MYOM2: variants seen among roughly 807,000 people sequenced by gnomAD.
MYOM2 encodes myomesin-2.
Under a neutral mutation model 187.6 loss-of-function variants are expected in MYOM2, and 254 were observed. The ratio of observed to expected loss-of-function variants is 1.35; its 90% CI spans 1.22 to 1.50. MYOM2 has a LOEUF of 1.50. Ranked by LOEUF, MYOM2 falls within the 40% of genes most tolerant of loss-of-function variation. The pLI, the probability that MYOM2 is intolerant of heterozygous loss-of-function variation, is 0.00. For missense variants in MYOM2, 2,796 were observed against 1,924.0 expected (o/e 1.45, Z -8.48); for synonymous variants, 981 against 753.8 (o/e 1.30, Z -4.94).
chr8:2,054,617 T>A (rs188851162), intron 3 of MYOM2, among the ~76,000 whole-genome samples: 8 of 152,228 alleles, frequency 5.3e-5, no homozygotes, highest in Non-Finnish European at 1.2e-4. Flanking sequence ...TAGAGGATAG[T>A]GGTGCTATTG....
chr8:2,138,792 C>T (rs1798171250), intron 32 of MYOM2, among the ~76,000 whole-genome samples: 1 of 152,174 alleles, frequency 6.6e-6, no homozygotes, highest in African/African-American at 2.4e-5. Flanking sequence ...TTAGATCCTC[C>T]CTTCTCTGTC....
In MYOM2 at chr8:2,145,078, C is replaced by T. The variant is rs1585989907; in HGVS notation, c.*97C>T. 4 of 1,314,004 alleles carry T rather than the reference C, an allele frequency of 3.0e-6. No individual in the cohort carries two copies. Among genetic ancestry groups the T allele is most frequent in the Non-Finnish European group, 4.2e-6 (4 of 947,216 alleles). 81.4% of individuals were successfully genotyped at this position (1,314,004 alleles called of 1,614,324 possible). ...TGAGCAGCTGGCATCCGAGTGGTGT[C>T]CTGTGTGGGCTGATAGTTGATCACA... On this transcript the variant is annotated 3_prime_UTR_variant, in exon 37 of 37. Coordinates refer to ENST00000262113, the MANE Select transcript of MYOM2 (RefSeq NM_003970.4).
chr8:2,079,177 C>A (rs939070233), intron 12 of MYOM2, among the ~76,000 whole-genome samples: 3 of 149,230 alleles, frequency 2.0e-5, no homozygotes, highest in Admixed American at 2.0e-4. Flanking sequence ...TGCTGGCATC[C>A]AGTTAAATTG....
intron 19 of MYOM2, among the ~76,000 whole-genome samples, chr8:2,099,868 A>G (rs1192576812): frequency 6.6e-6 from 1 of 152,258 alleles, no homozygotes; most frequent in African/African-American, 2.4e-5. Flanking sequence ...TTCAAAGTTC[A>G]GAGTGTTTTC....
Position 2,123,654 on chromosome 8 carries a change from C to G in MYOM2, c.3655+12C>G. ...AATAGCTGGCAAAGGTAAAAGAAAA[C>G]CTCCTTTGTTCTGTGAACAAGAAAT... On this transcript the variant is annotated intron_variant, in intron 30 of 36. Coordinates refer to ENST00000262113, the MANE Select transcript of MYOM2 (RefSeq NM_003970.4). 2 of 1,610,718 alleles carry G rather than the reference C, an allele frequency of 1.2e-6. No homozygotes were observed. The highest frequency in any genetic ancestry group is 1.7e-6 in the Non-Finnish European group (2 of 1,176,960).
intron 16 of MYOM2, among the ~76,000 whole-genome samples, chr8:2,093,579 A>C (rs1325280986): frequency 6.6e-6 from 1 of 152,234 alleles, no homozygotes; most frequent in Non-Finnish European, 1.5e-5. Context: ...ATTCGAGCCT[A>C]GTCCATCTGA....
At chr8:2,117,124 A>C (rs917862073) in intron 27 of MYOM2, among the ~76,000 whole-genome samples, 1 of 151,678 alleles carries the variant, frequency 6.6e-6, no homozygotes, top group African/African-American at 2.4e-5. Context: ...AATGTGAATT[A>C]TGAAACATAA....
rs765337037 is a variant in MYOM2, at chr8:2,141,154, AT to A, written c.3981del (p.Phe1327LeufsTer20). On this transcript the variant is annotated frameshift_variant, in exon 34 of 37. Transcript: ENST00000262113. LOFTEE classifies it high-confidence loss of function. The stretch of plus-strand genomic sequence containing the variant: ...ATTTCCTCACAGCTTTTGATGAAGC[AT>A]TTGCAGAATTCCAGCAATTCAAGTA... The part of the protein sequence containing the change: ...DLSGQAFDEA[F>X]AEFQQFKAAA... The A allele has an allele frequency of 2.5e-6, 4 of 1,612,176 alleles. No homozygotes were observed. In the East Asian group the frequency reaches 8.9e-5, roughly 36 times the overall value.
At chr8:2,046,358 C>T (rs550005505) in intron 1 of MYOM2, among the ~76,000 whole-genome samples, 2 of 152,312 alleles carry the variant, frequency 1.3e-5, no homozygotes, top group Non-Finnish European at 2.9e-5. Flanking sequence ...GTCATGATTC[C>T]TAAACGTGTC....
intron 2 of MYOM2, among the ~76,000 whole-genome samples, chr8:2,051,482 G>A (rs1159259908): frequency 6.6e-6 from 1 of 152,200 alleles, no homozygotes; most frequent in East Asian, 1.9e-4. Context: ...GTGAAGGGAG[G>A]GAGGGACCGC....
intron 32 of MYOM2, among the ~76,000 whole-genome samples, chr8:2,139,970 G>A (rs773637051): frequency 6.6e-6 from 1 of 152,104 alleles, no homozygotes; most frequent in Non-Finnish European, 1.5e-5. Flanking sequence ...ACTGTTCAGT[G>A]GTGTTAAGTA....
intron 21 of MYOM2, among the ~76,000 whole-genome samples, chr8:2,105,759 C>T (rs909067718): frequency 1.3e-5 from 2 of 152,236 alleles, no homozygotes; most frequent in African/African-American, 4.8e-5. Flanking sequence ...ATTCTCTCAT[C>T]AGTCCTGGGT....
chr8:2,069,690 G>T (rs1819149422), intron 8 of MYOM2, among the ~76,000 whole-genome samples, 193 bp downstream of exon 8: 2 of 151,916 alleles, frequency 1.3e-5, no homozygotes, highest in South Asian at 4.2e-4. Context: ...CACACCTAAG[G>T]GTCAAATCTT....
At position 2,090,000 on chromosome 8, in the gene MYOM2, C is replaced by G. The variant is rs755838618; in HGVS notation, c.1645-8C>G. ...CACTGCCAGTCTCGTTTCTGTTTCT[C>G]TTTGTAGTCCGTGGTGGGGAGCGGC... On this transcript the variant is annotated splice_region_variant and splice_polypyrimidine_tract_variant and intron_variant, in intron 14 of 36. Coordinates refer to ENST00000262113, the MANE Select transcript of MYOM2 (RefSeq NM_003970.4). 3 of 1,613,054 alleles carry G rather than the reference C, an allele frequency of 1.9e-6. No homozygotes were observed. The highest frequency in any genetic ancestry group is 4.5e-5 in the East Asian group (2 of 44,872).
At chr8:2,048,447 A>G (rs1473621153) in intron 1 of MYOM2, among the ~76,000 whole-genome samples, 1 of 152,204 alleles carries the variant, frequency 6.6e-6, no homozygotes, top group African/African-American at 2.4e-5. Context: ...ATCTGGGGAG[A>G]TTTCAAATAG....
At chr8:2,095,424 T>C (rs1796446087) in intron 17 of MYOM2, among the ~76,000 whole-genome samples, 1 of 151,952 alleles carries the variant, frequency 6.6e-6, no homozygotes, top group Non-Finnish European at 1.5e-5. Flanking sequence ...CCTGATTAGC[T>C]AGGACCACAG....
intron 1 of MYOM2, among the ~76,000 whole-genome samples, chr8:2,048,791 A>T (rs1219442691): frequency 1.4e-5 from 1 of 69,970 alleles, no homozygotes; most frequent in Admixed American, 2.2e-4. Context: ...TTTTATTTTT[A>T]TTTTATTTTT....
intron 6 of MYOM2, among the ~76,000 whole-genome samples, chr8:2,063,272 T>C (rs1818909249): frequency 1.3e-5 from 2 of 152,260 alleles, no homozygotes; most frequent in South Asian, 4.1e-4. Context: ...CAGAATGTGT[T>C]GGCACCCACC....
In MYOM2 at chr8:2,092,449, C is replaced by A; in HGVS notation, c.1932C>A (p.Tyr644Ter). Residue 644 changes from tyrosine to a stop codon, truncating the protein, a stop_gained, in exon 16 of 37, where the codon TAC becomes TAA. Coordinates refer to ENST00000262113, the MANE Select transcript of MYOM2 (RefSeq NM_003970.4). LOFTEE classifies it high-confidence loss of function. Reference protein sequence around the residue: ...RPKHEEDLLGYYVDCCVAGTN... With the variant: ...RPKHEEDLLG Reference sequence around the variant, plus strand: ...AGCATGAGGAGGACCTGCTGGGCTACTACGTGGACTGCTGTGTGGCCGGAA... The same window carrying A: ...AGCATGAGGAGGACCTGCTGGGCTAATACGTGGACTGCTGTGTGGCCGGAA... The A allele has an allele frequency of 6.2e-7, 1 of 1,614,180 alleles. No individual in the cohort carries two copies. The highest frequency in any genetic ancestry group is 8.5e-7 in the Non-Finnish European group (1 of 1,180,020).
Sources: allele counts gnomAD v4.1 joint callset (sites outside exome capture counted in the v4.1 genomes callset), GRCh38; gene constraint gnomAD v4.1.1; transcripts MANE v1.5; gene names NCBI Gene and HGNC (gene_info 2026-07-23, HGNC 2026-07-21).